Variants in GSN observed in about 807,000 individuals in gnomAD.
GSN encodes the protein gelsolin.
Under a neutral mutation model 85.7 loss-of-function variants are expected in GSN, and 56 were observed. The observed-to-expected ratio is 0.65, with a 90% confidence interval of 0.53 to 0.82. The LOEUF (loss-of-function observed/expected upper bound fraction) is 0.82, where lower values mean the gene tolerates loss of function less well. GSN is among the 40% of genes least tolerant of loss of function. The pLI, the probability that GSN is intolerant of heterozygous loss-of-function variation, is 0.00. For missense variants in GSN, 857 were observed against 979.8 expected (o/e 0.87, Z 1.67); for synonymous variants, 373 against 399.1 (o/e 0.93, Z 0.78).
At chr9:121,224,191 T>C (rs148102160) in intron 4 of GSN, among the ~76,000 whole-genome samples, 20,246 of 150,800 alleles carry the variant, frequency 0.13, 2,018 homozygotes, top group African/African-American at 0.26. Flanking sequence ...CCGCCTCCCA[T>C]GTTCACGCCA....
At chr9:121,243,281 C>T (rs928529590) in intron 5 of GSN, among the ~76,000 whole-genome samples, 3 of 152,234 alleles carry the variant, frequency 2.0e-5, no homozygotes, top group African/African-American at 7.2e-5. Context: ...GCCTTCTCCT[C>T]CATGGTAAAA....
At chr9:121,294,735 C>A (rs2059048788) in intron 2 of GSN, among the ~76,000 whole-genome samples, 1 of 152,176 alleles carries the variant, frequency 6.6e-6, no homozygotes, top group Non-Finnish European at 1.5e-5. Flanking sequence ...TCAGTTCTGG[C>A]CTGGTTGTTG....
the GSN span, chr9:121,202,016 A>G: frequency 1.3e-5 from 2 of 152,194 alleles, no homozygotes; most frequent in Admixed American, 6.5e-5. Context: ...CTCAGCCCTC[A>G]CCTCTGGACT....
At chr9:121,224,754 AAAAG>A (rs2054241763) in intron 4 of GSN, among the ~76,000 whole-genome samples, 1 of 151,224 alleles carries the variant, frequency 6.6e-6, no homozygotes, top group South Asian at 2.1e-4. Context: ...AAAAAAAAAA[AAAAG>A]AAAAGAAAAC....
Position 121,332,346 on chromosome 9 carries a change from G to A in GSN, c.2027-88G>A. ...AGTAGGACCATAGACCCTCTTCTTTGTCAACTCCTGTCCTGAGTCACCCTC... is the reference window on the plus strand; with the variant it reads ...AGTAGGACCATAGACCCTCTTCTTTATCAACTCCTGTCCTGAGTCACCCTC... On this transcript the variant is annotated intron_variant, in intron 17 of 17. Transcript: ENST00000432226. The surrounding 1 kb of genome is among the most constrained non-coding windows in gnomAD (Gnocchi z 4.8). The A allele has an allele frequency of 8.4e-7, 1 of 1,191,160 alleles. No homozygotes were observed. Among genetic ancestry groups the A allele is most frequent in the South Asian group, 1.2e-5 (1 of 82,444 alleles). 73.8% of individuals were successfully genotyped at this position (1,191,160 alleles called of 1,614,324 possible).
At chr9:121,245,584 C>T (rs2054683611) in intron 5 of GSN, among the ~76,000 whole-genome samples, 1 of 152,038 alleles carries the variant, frequency 6.6e-6, no homozygotes, top group South Asian at 2.1e-4. Flanking sequence ...TGGTCTCAAA[C>T]TCCTGAGCTC....
intron 3 of GSN, 23 bp downstream of exon 3, chr9:121,302,190 C>G (rs553306979): frequency 4.4e-5 from 71 of 1,612,186 alleles, no homozygotes; most frequent in Middle Eastern, 1.6e-4. Context: ...CTGCCCAGCC[C>G]CTGCCCCAGC....
At chr9:121,301,793 C>T (rs1319602515) in intron 2 of GSN, 170 bp from the exon 3 acceptor site, 1 of 982,270 alleles carries the variant, frequency 1.0e-6, no homozygotes, top group African/African-American at 1.6e-5. Context: ...GCCCTGTTTG[C>T]TGACTCGTTG....
At chr9:121,272,288 A>C (rs992383590) in intron 1 of GSN, among the ~76,000 whole-genome samples, 5 of 152,178 alleles carry the variant, frequency 3.3e-5, no homozygotes, top group African/African-American at 1.2e-4. Context: ...AGAGAAAAGC[A>C]GTGGGTGTTG....
intron 5 of GSN, among the ~76,000 whole-genome samples, chr9:121,240,757 T>C (rs546920958): frequency 1.3e-5 from 2 of 152,324 alleles, no homozygotes; most frequent in East Asian, 3.9e-4. Flanking sequence ...GGGAGGCATG[T>C]GATGTGCAGG....
chr9:121,325,278 C>T (rs1345643247), intron 12 of GSN, among the ~76,000 whole-genome samples: 1 of 152,246 alleles, frequency 6.6e-6, no homozygotes, highest in Non-Finnish European at 1.5e-5. Context: ...AAGCCCACCC[C>T]TGTCCCAGGA....
chr9:121,324,511 G>T, intron 11 of GSN, 43 bp from the exon 12 acceptor site: 1 of 992,664 alleles, frequency 1.0e-6, no homozygotes. Context: ...GAGGCTCAGG[G>T]CTCTGTGTGC....
chr9:121,317,301 G>T, intron 8 of GSN, 83 bp downstream of exon 8: 2 of 1,447,916 alleles, frequency 1.4e-6, no homozygotes, highest in South Asian at 1.1e-5. Context: ...CTCAGCTCCC[G>T]GGGAGTGTGG....
At chr9:121,328,729 TC>T (rs1476957956) in intron 14 of GSN, 161 bp from the exon 15 acceptor site, 1 of 758,274 alleles carries the variant, frequency 1.3e-6, no homozygotes, top group Non-Finnish European at 2.2e-6. Context: ...ACCTTCCAAT[TC>T]CCTCAGGCCT....
At position 121,299,579 on chromosome 9, in the gene GSN, C is replaced by T. The variant is rs568082921; in HGVS notation, c.-9-2384C>T. The T allele has an allele frequency of 3.1e-6, 2 of 635,926 alleles. No individual in the cohort carries two copies. Among genetic ancestry groups the T allele is most frequent in the African/African-American group, 3.9e-5 (2 of 50,876 alleles). 39.4% of individuals were successfully genotyped at this position (635,926 alleles called of 1,614,324 possible). A position where few individuals can be genotyped will look rare whatever the true frequency, so the allele number is the denominator to read the frequency against. On this transcript the variant is annotated intron_variant, in intron 2 of 17. Transcript: ENST00000432226. The surrounding 1 kb of genome is among the most constrained non-coding windows in gnomAD (Gnocchi z 4.2). ...TCGCAGGAGGCTCAGCTGGGCTCGC[C>T]GCCGCTCGTGCCTGCGCCCATTTAG...
At chr9:121,250,065 G>A (rs550685743) in intron 6 of GSN, among the ~76,000 whole-genome samples, 2 of 152,272 alleles carry the variant, frequency 1.3e-5, no homozygotes, top group Admixed American at 6.5e-5. Flanking sequence ...CTAGCCTTTG[G>A]CTCCCTGTTG....
chr9:121,269,963 G>T (rs1486685595), intron 1 of GSN, among the ~76,000 whole-genome samples: 2 of 152,192 alleles, frequency 1.3e-5, no homozygotes, highest in African/African-American at 4.8e-5. Context: ...AGAGCTCTCT[G>T]TCCTCAAGAT....
upstream of GSN, among the ~76,000 whole-genome samples, chr9:121,264,505 C>T (rs1289935023): frequency 6.6e-6 from 1 of 152,176 alleles, no homozygotes; most frequent in Non-Finnish European, 1.5e-5. Flanking sequence ...GAAAACAACA[C>T]TAAACACACT....
At chr9:121,229,696 T>A (rs1250957791) in intron 4 of GSN, among the ~76,000 whole-genome samples, 1 of 152,322 alleles carries the variant, frequency 6.6e-6, no homozygotes, top group African/African-American at 2.4e-5. Flanking sequence ...GATGCTAAGT[T>A]TTATCAGTTG....
Sources: gnomAD v4.1 joint callset for allele counts (sites outside exome capture counted in the v4.1 genomes callset) on GRCh38, gnomAD v4.1.1 for gene constraint, Gnocchi (gnomAD v3.1) non-coding constraint, MANE v1.5 for transcripts, NCBI Gene and HGNC (gene_info 2026-07-23, HGNC 2026-07-21) for gene names.